GLI3: variants seen among roughly 807,000 people sequenced by gnomAD.
GLI3 encodes the protein transcription activator GLI3.
GLI3 carries 20 observed loss-of-function variants against 100.8 expected under a neutral mutation model. The observed-to-expected ratio is 0.20, with a 90% CI of 0.14 to 0.29. GLI3 has a LOEUF of 0.29. Among genes scored for constraint, GLI3 ranks in the 10% least tolerant of loss-of-function variants. The pLI is 1.00. For missense variants in GLI3, 2,040 were observed against 2,128.5 expected, an observed-to-expected ratio of 0.96 and a Z score of 0.82; for synonymous variants, 938 against 860.5, an observed-to-expected ratio of 1.09 and a Z score of -1.58.
At chr7:42,255,843 G>A (rs2128711095) in intron 1 of GLI3, among the ~76,000 whole-genome samples, 1 of 152,268 alleles carries the variant, frequency 6.6e-6, no homozygotes, top group African/African-American at 2.4e-5. Flanking sequence ...TAAAATTGCA[G>A]GGTTGTATGG....
intron 2 of GLI3, among the ~76,000 whole-genome samples, chr7:42,206,534 T>C (rs1459500016): frequency 6.6e-6 from 1 of 152,188 alleles, no homozygotes; most frequent in Non-Finnish European, 1.5e-5. Flanking sequence ...ATTATATCCA[T>C]GCATGTTTTT....
chr7:42,140,845 T>TA (rs1786551484), intron 3 of GLI3, among the ~76,000 whole-genome samples: 1 of 152,132 alleles, frequency 6.6e-6, no homozygotes, highest in Non-Finnish European at 1.5e-5. Context: ...ATGTTGCCTC[T>TA]ATTAAGAAAG....
intron 4 of GLI3, among the ~76,000 whole-genome samples, chr7:42,066,439 C>T (rs7798596): frequency 6.6e-6 from 1 of 152,098 alleles, no homozygotes; most frequent in Non-Finnish European, 1.5e-5. Flanking sequence ...AAAGTCCAGT[C>T]TGTCTGGGTT....
intron 2 of GLI3, among the ~76,000 whole-genome samples, chr7:42,165,440 C>T (rs1787222667): frequency 6.6e-6 from 1 of 152,150 alleles, no homozygotes; most frequent in African/African-American, 2.4e-5. Context: ...AAAATACCCC[C>T]TTAGAAATAC....
At chr7:42,252,695 T>C (rs1040830173) in intron 1 of GLI3, among the ~76,000 whole-genome samples, 1 of 152,192 alleles carries the variant, frequency 6.6e-6, no homozygotes, top group Non-Finnish European at 1.5e-5. Context: ...AAGATACTAA[T>C]ATAAAATGTA....
chr7:42,166,099 C>T (rs928676158), intron 2 of GLI3, among the ~76,000 whole-genome samples: 2 of 152,186 alleles, frequency 1.3e-5, no homozygotes, highest in Non-Finnish European at 2.9e-5. Context: ...ACTGCCCAGC[C>T]TGAATAGAGG....
At chr7:42,222,017 A>G (rs1788495986) in intron 2 of GLI3, among the ~76,000 whole-genome samples, 2 of 152,228 alleles carry the variant, frequency 1.3e-5, no homozygotes, top group African/African-American at 4.8e-5. Context: ...TCAGCAAAGC[A>G]CACTCATGAA....
At position 41,961,238 on chromosome 7, in the gene GLI3, AT is replaced by A. The variant is rs1787004711; in HGVS notation, c.*3091del. 1 of 152,668 alleles carries A rather than the reference AT, an allele frequency of 6.6e-6. No individual in the cohort carries two copies. The highest frequency in any genetic ancestry group is 2.4e-5 in the African/African-American group (1 of 41,464). 9.5% of individuals were successfully genotyped at this position (152,668 alleles called of 1,614,324 possible). A position where few individuals can be genotyped will look rare whatever the true frequency, so the allele number is the denominator to read the frequency against. On this transcript the variant is annotated 3_prime_UTR_variant, in exon 15 of 15. Coordinates refer to ENST00000395925, the MANE Select transcript of GLI3 (RefSeq NM_000168.6). ...AAAAAATCTAAAAAAGGTGAAAAAA[AT>A]GAACTTGTATTTTATTTTACATGTC...
intron 3 of GLI3, among the ~76,000 whole-genome samples, chr7:42,086,243 C>T (rs1785098824): frequency 6.6e-6 from 1 of 152,176 alleles, no homozygotes. Flanking sequence ...AGGTACTATT[C>T]ATACGCCCAT....
intron 3 of GLI3, among the ~76,000 whole-genome samples, chr7:42,087,249 C>G (rs1004200713): frequency 6.6e-5 from 10 of 152,308 alleles, no homozygotes; most frequent in African/African-American, 2.4e-4. Flanking sequence ...ATGAGGGGAA[C>G]CCACAGGTAT....
rs144496307 is a variant in GLI3, at chr7:42,048,334, CA to C, written c.679+156del. Among the ~76,000 whole-genome samples, 3,144 of 152,226 alleles carry C rather than the reference CA, an allele frequency of 0.021. 109 individuals carry two copies. Among genetic ancestry groups the C allele is most frequent in the African/African-American group, 0.071 (2,962 of 41,510 alleles). On this transcript the variant is annotated intron_variant, in intron 5 of 14. Coordinates refer to ENST00000395925, the MANE Select transcript of GLI3 (RefSeq NM_000168.6). The stretch of plus-strand genomic sequence containing the variant: ...TAACACCACTGCCAATGAGGTGTTA[CA>C]AAACTGAAACGCAATCATGCATGTA...
At chr7:42,264,125 G>A (rs779152632), upstream of GLI3, among the ~76,000 whole-genome samples, 6 of 152,150 alleles carry the variant, frequency 3.9e-5, no homozygotes, top group African/African-American at 9.7e-5. Flanking sequence ...CCAAAAGCAC[G>A]AAGGGCCTTG....
intron 3 of GLI3, among the ~76,000 whole-genome samples, chr7:42,098,084 C>T (rs1047392319): frequency 3.7e-4 from 56 of 152,222 alleles, no homozygotes; most frequent in African/African-American, 1.2e-3. Context: ...AAAGCCACAG[C>T]CTTGACTCCC....
chr7:42,040,339 C>G, intron 6 of GLI3, 100 bp from the exon 7 acceptor site: 2 of 902,412 alleles, frequency 2.2e-6, no homozygotes, highest in Non-Finnish European at 3.7e-6. Flanking sequence ...GGATAAGAAG[C>G]TGGCAACTTG....
intron 2 of GLI3, among the ~76,000 whole-genome samples, chr7:42,163,973 T>C (rs1180357528): frequency 1.3e-5 from 2 of 152,250 alleles, no homozygotes; most frequent in African/African-American, 2.4e-5. Flanking sequence ...CTTTGAAATC[T>C]GAATGGTTTT....
intron 3 of GLI3, among the ~76,000 whole-genome samples, chr7:42,079,146 T>C (rs1160468946): frequency 2.0e-5 from 3 of 152,208 alleles, no homozygotes; most frequent in African/African-American, 4.8e-5. Flanking sequence ...AATGTAAATA[T>C]TGAAAGTTGA....
intron 3 of GLI3, among the ~76,000 whole-genome samples, chr7:42,085,661 C>T (rs1488697924): frequency 1.3e-5 from 2 of 152,298 alleles, no homozygotes; most frequent in African/African-American, 2.4e-5. Context: ...GCACTTCAAA[C>T]GTGATCCCTG....
At chr7:42,019,080 T>C (rs1049958580) in intron 10 of GLI3, among the ~76,000 whole-genome samples, 3 of 152,106 alleles carry the variant, frequency 2.0e-5, no homozygotes, top group Non-Finnish European at 4.4e-5. Flanking sequence ...CGGGGTTGGA[T>C]TGTTGAAATT....
chr7:41,985,080 T>A (rs1787780476), intron 10 of GLI3, among the ~76,000 whole-genome samples: 2 of 152,204 alleles, frequency 1.3e-5, no homozygotes, highest in South Asian at 4.1e-4. Context: ...CACTGGTGAG[T>A]CACTGGTGGA....
Sources: gnomAD v4.1 joint callset for allele counts (sites outside exome capture counted in the v4.1 genomes callset) on GRCh38, gnomAD v4.1.1 for gene constraint, MANE v1.5 for transcripts, NCBI Gene and HGNC (gene_info 2026-07-23, HGNC 2026-07-21) for gene names.